RRAGD: variants seen among roughly 807,000 people sequenced by gnomAD.
RRAGD encodes the protein Ras related GTP binding D.
RRAGD carries 12 observed loss-of-function variants against 35.5 expected under a neutral mutation model. The ratio of observed to expected loss-of-function variants is 0.34; its 90% CI spans 0.22 to 0.55. RRAGD has a LOEUF of 0.55. Among genes scored for constraint, RRAGD ranks in the 20% least tolerant of loss-of-function variants. The pLI is 0.91. For synonymous variants in RRAGD, 155 were observed against 178.9 expected, an observed-to-expected ratio of 0.87 and a Z score of 1.07; for missense variants, 324 against 490.1, an observed-to-expected ratio of 0.66 and a Z score of 3.20.
In RRAGD at chr6:89,377,823, A is replaced by T. The variant is rs781544298; in HGVS notation, c.760-10T>A. 1.6e-5 allele frequency: 21 copies of T among 1,277,320 alleles called. No homozygotes were observed. Among genetic ancestry groups the T allele is most frequent in the South Asian group, 3.1e-5 (2 of 63,538 alleles). The allele number at this position is 1,277,320 out of a possible 1,614,324, so 79.1% of individuals were successfully genotyped here. Reference sequence around the variant, plus strand: ...TTTCAATTCCAGAATTCTGAAATTTAAAAAAAAAAGTTGCCTTAAAGCAAC... The same window carrying T: ...TTTCAATTCCAGAATTCTGAAATTTTAAAAAAAAAGTTGCCTTAAAGCAAC... On this transcript the variant is annotated splice_polypyrimidine_tract_variant and intron_variant, in intron 4 of 6. Transcript: ENST00000369415.
rs1422384116 is a variant in RRAGD, at chr6:89,367,300, C to T, written c.*756G>A. Reference sequence around the variant, plus strand: ...TTCGGCACCATTTTGGAAATCTGGTCCCAAAGTTTCAAAAGAATACTAATG... The same window carrying T: ...TTCGGCACCATTTTGGAAATCTGGTTCCAAAGTTTCAAAAGAATACTAATG... On this transcript the variant is annotated 3_prime_UTR_variant, in exon 7 of 7. Coordinates refer to ENST00000369415, the MANE Select transcript of RRAGD (RefSeq NM_021244.5). The T allele has an allele frequency of 1.3e-5, 2 of 152,078 alleles. No homozygotes were observed. The highest frequency in any genetic ancestry group is 2.1e-4 in the South Asian group (1 of 4,830). 9.4% of individuals were successfully genotyped at this position (152,078 alleles called of 1,614,324 possible).
At chr6:89,398,776 TGGTTTTG>T (rs1769390671) in intron 1 of RRAGD, among the ~76,000 whole-genome samples, 2 of 152,372 alleles carry the variant, frequency 1.3e-5, no homozygotes, top group Admixed American at 1.3e-4. Flanking sequence ...GAAGAAATTC[TGGTTTTG>T]GTGGAGTGCT....
At chr6:89,408,063 T>G in intron 1 of RRAGD, among the ~76,000 whole-genome samples, 1 of 152,220 alleles carries the variant, frequency 6.6e-6, no homozygotes, top group Non-Finnish European at 1.5e-5. Context: ...TTATGTAGTT[T>G]CATCTGTTCC....
chr6:89,400,501 C>T (rs1769438148), intron 1 of RRAGD, among the ~76,000 whole-genome samples: 1 of 152,040 alleles, frequency 6.6e-6, no homozygotes, highest in African/African-American at 2.4e-5. Flanking sequence ...CTCACCCTCT[C>T]CTCAAGTACC....
chr6:89,379,405 T>A, intron 3 of RRAGD, 67 bp from the exon 4 acceptor site: 1 of 758,660 alleles, frequency 1.3e-6, no homozygotes. Flanking sequence ...TTAGGCTATG[T>A]CAAAACACCG....
intron 1 of RRAGD, among the ~76,000 whole-genome samples, chr6:89,405,088 C>T (rs1253881896): frequency 1.3e-5 from 2 of 152,094 alleles, no homozygotes; most frequent in African/African-American, 4.8e-5. Flanking sequence ...CGGTGGCTCA[C>T]ACCTGTAATC....
intron 2 of RRAGD, 122 bp downstream of exon 2, chr6:89,387,173 T>A: frequency 2.0e-6 from 2 of 1,015,820 alleles, no homozygotes; most frequent in Non-Finnish European, 2.9e-6. Flanking sequence ...CTGAGAGCCC[T>A]GACCAAGAAA....
intron 6 of RRAGD, 135 bp downstream of exon 6, chr6:89,372,302 G>A (rs1186869986): frequency 1.0e-6 from 1 of 995,258 alleles, no homozygotes; most frequent in Non-Finnish European, 1.4e-6. Flanking sequence ...TGAACTCCAA[G>A]CCAAGAGGGC....
intron 5 of RRAGD, 61 bp from the exon 6 acceptor site, chr6:89,372,646 A>G (rs1190124170): frequency 3.4e-6 from 5 of 1,469,264 alleles, no homozygotes; most frequent in Non-Finnish European, 4.5e-6. Context: ...ACTGTAAGCC[A>G]GTGACAAGAG....
At chr6:89,386,819 T>C (rs1222805165) in intron 2 of RRAGD, among the ~76,000 whole-genome samples, 2 of 152,206 alleles carry the variant, frequency 1.3e-5, no homozygotes, top group African/African-American at 4.8e-5. Context: ...TTTTACTTTT[T>C]ATATGTAATA....
In RRAGD at chr6:89,399,622, T is replaced by G. The variant is rs112815040; in HGVS notation, c.149-12032A>C. ...CCCTCTCTCTACTAAAAATATATAT[T>G]TTTTTTAATTAGCAAGTTGTAGTGG... On this transcript the variant is annotated intron_variant, in intron 1 of 6. Transcript: ENST00000369415. 4.4e-3 allele frequency among the ~76,000 whole-genome samples: 666 copies of G among 152,048 alleles called. 3 individuals are homozygous for G. Among genetic ancestry groups the G allele is most frequent in the Non-Finnish European group, 4.8e-3 (328 of 67,970 alleles).
intron 1 of RRAGD, among the ~76,000 whole-genome samples, chr6:89,389,327 G>A (rs540954081): frequency 5.9e-5 from 9 of 152,104 alleles, no homozygotes; most frequent in African/African-American, 1.4e-4. Flanking sequence ...AGGCCGAGAC[G>A]GGCGGATCAC....
chr6:89,397,623 AC>A (rs1769364944), intron 1 of RRAGD, among the ~76,000 whole-genome samples: 1 of 151,012 alleles, frequency 6.6e-6, no homozygotes, highest in Non-Finnish European at 1.5e-5. Flanking sequence ...ACAAAAAAAA[AC>A]AAAAAAAACC....
intron 1 of RRAGD, among the ~76,000 whole-genome samples, chr6:89,388,493 T>TTA (rs1769174043): frequency 6.6e-6 from 1 of 152,096 alleles, no homozygotes; most frequent in Non-Finnish European, 1.5e-5. Flanking sequence ...TGTTATGATG[T>TTA]TATATATATT....
chr6:89,381,417 T>C (rs1769040975), intron 2 of RRAGD, among the ~76,000 whole-genome samples: 1 of 152,198 alleles, frequency 6.6e-6, no homozygotes, highest in African/African-American at 2.4e-5. Flanking sequence ...TTTATCTCTA[T>C]TTAGGAAATA....
chr6:89,391,977 T>C (rs944450365), intron 1 of RRAGD, among the ~76,000 whole-genome samples: 2 of 104,658 alleles, frequency 1.9e-5, no homozygotes, highest in Non-Finnish European at 3.8e-5. Flanking sequence ...AAAAAAAAAA[T>C]CCCTGGAATT....
At chr6:89,392,544 C>T (rs1286527416) in intron 1 of RRAGD, among the ~76,000 whole-genome samples, 1 of 150,934 alleles carries the variant, frequency 6.6e-6, no homozygotes, top group African/African-American at 2.4e-5. Context: ...TCCTAAATTT[C>T]TTATTTCCTT....
At chr6:89,393,151 T>G (rs7770945) in intron 1 of RRAGD, among the ~76,000 whole-genome samples, 104,674 of 152,116 alleles carry the variant, frequency 0.69, 37,283 homozygotes, top group African/African-American at 0.89. Flanking sequence ...AATAGAAATG[T>G]TGTGCATAAT....
At chr6:89,401,681 A>C (rs73752753) in intron 1 of RRAGD, among the ~76,000 whole-genome samples, 2,515 of 151,988 alleles carry the variant, frequency 0.017, 68 homozygotes, top group African/African-American at 0.057. Context: ...TCAGCTCAGG[A>C]TCTCACTTTG....
Sources: gnomAD v4.1 joint callset for allele counts (sites outside exome capture counted in the v4.1 genomes callset) on GRCh38, gnomAD v4.1.1 for gene constraint, MANE v1.5 for transcripts, NCBI Gene and HGNC (gene_info 2026-07-23, HGNC 2026-07-21) for gene names.